Variants in MEIS2 observed in about 807,000 individuals in gnomAD.
MEIS2 encodes the protein homeobox protein Meis2.
MEIS2 carries 9 observed loss-of-function variants against 58.6 expected under a neutral mutation model. The observed-to-expected ratio is 0.15, with a 90% CI of 0.09 to 0.27. The LOEUF (loss-of-function observed/expected upper bound fraction) is 0.27. Among genes scored for constraint, MEIS2 ranks in the 10% least tolerant of loss-of-function variants. The pLI is 1.00. For synonymous variants in MEIS2, 221 were observed against 228.4 expected, an observed-to-expected ratio of 0.97 and a Z score of 0.29; for missense variants, 427 against 635.0, an observed-to-expected ratio of 0.67 and a Z score of 3.52.
At chr15:37,024,504 G>A (rs756119265) in intron 8 of MEIS2, among the ~76,000 whole-genome samples, 2 of 152,124 alleles carry the variant, frequency 1.3e-5, no homozygotes, top group Non-Finnish European at 2.9e-5. Context: ...ATATCTGGCT[G>A]GTGCGTCTAA....
chr15:36,996,271 A>G (rs1341851698), intron 8 of MEIS2, among the ~76,000 whole-genome samples: 4 of 151,968 alleles, frequency 2.6e-5, no homozygotes, highest in Non-Finnish European at 1.5e-5. Context: ...TTCTGTTGAC[A>G]AGCGTCTCAA....
At chr15:36,947,676 T>C (rs1367577364) in intron 9 of MEIS2, among the ~76,000 whole-genome samples, 1 of 151,910 alleles carries the variant, frequency 6.6e-6, no homozygotes, top group Non-Finnish European at 1.5e-5. Context: ...CTGGTCTCAA[T>C]CGGAGAAGTG....
rs981271518 is a variant in MEIS2 at position 37,099,163 on chromosome 15, G to T, written c.12+292C>A. ...CTGGAGCGAGGCGAAAGCGTGTAAC[G>T]ATTGCACACGCACACACACACACCA... On this transcript the variant is annotated intron_variant, in intron 1 of 11. Transcript: ENST00000561208. 16 of 1,230,876 alleles carry T rather than the reference G, an allele frequency of 1.3e-5. No individual in the cohort carries two copies. In the Admixed American group the frequency reaches 2.9e-4, roughly 22 times the overall value. 76.2% of individuals were successfully genotyped at this position (1,230,876 alleles called of 1,614,324 possible).
At position 37,043,680 on chromosome 15, in the gene MEIS2, C is replaced by CTT. The variant is rs35502089; in HGVS notation, c.755-6723_755-6722dup. On this transcript the variant is annotated intron_variant, in intron 7 of 11. Coordinates refer to ENST00000561208, the MANE Select transcript of MEIS2 (RefSeq NM_170675.5). The stretch of plus-strand genomic sequence containing the variant: ...TCTATCTCTAGAACACCGTCCCCTC[C>CTT]TTTTTTTTTTTTTTTTTTTTTTGAG... Among the ~76,000 whole-genome samples, 307 of 112,934 alleles carry CTT rather than the reference C, an allele frequency of 2.7e-3. 1 individual carries two copies. The highest frequency in any genetic ancestry group is 3.2e-3 in the Non-Finnish European group (183 of 57,358). The allele number at this position is 112,934 out of a possible 152,430, so 74.1% of individuals were successfully genotyped here. A position where few individuals can be genotyped will look rare whatever the true frequency, so the allele number is the denominator to read the frequency against.
rs535994188 is a variant in MEIS2 at position 37,023,353 on chromosome 15, A to T, written c.900+13461T>A. On this transcript the variant is annotated intron_variant, in intron 8 of 11. Transcript: ENST00000561208. ...TGTGAATTCCTATTTTGTTCAAATG[A>T]TCATTGTGCCTATTGTGTCAGCCAG... Among the ~76,000 whole-genome samples, 4 of 152,298 alleles carry T rather than the reference A, an allele frequency of 2.6e-5. No individual in the cohort carries two copies. In the East Asian group the frequency reaches 5.8e-4, roughly 22 times the overall value.
chr15:36,966,659 C>T (rs908261427), intron 8 of MEIS2, among the ~76,000 whole-genome samples: 4 of 152,296 alleles, frequency 2.6e-5, no homozygotes, highest in Middle Eastern at 3.4e-3. Flanking sequence ...GGCACTGTTA[C>T]AGGAGAGAAA....
chr15:36,915,601 C>T (rs896198179), intron 9 of MEIS2, among the ~76,000 whole-genome samples: 1 of 152,182 alleles, frequency 6.6e-6, no homozygotes, highest in African/African-American at 2.4e-5. Flanking sequence ...GGGCCCCCTC[C>T]AGAAGTAAGG....
At chr15:36,914,253 T>C (rs2057171984) in intron 9 of MEIS2, among the ~76,000 whole-genome samples, 1 of 152,060 alleles carries the variant, frequency 6.6e-6, no homozygotes, top group Non-Finnish European at 1.5e-5. Flanking sequence ...AGAACACAGA[T>C]GATAATAAGA....
intron 9 of MEIS2, among the ~76,000 whole-genome samples, chr15:36,918,102 C>T (rs2057355041): frequency 6.6e-6 from 1 of 152,130 alleles, no homozygotes; most frequent in Non-Finnish European, 1.5e-5. Context: ...AGAGAAGAGA[C>T]TGTATAACAA....
chr15:37,078,225 G>A (rs1427044981), intron 7 of MEIS2, among the ~76,000 whole-genome samples: 2 of 151,980 alleles, frequency 1.3e-5, no homozygotes, highest in African/African-American at 2.4e-5. Flanking sequence ...ACTGGACAGA[G>A]AAACCCTTGT....
chr15:36,907,691 G>C (rs1309355590), intron 9 of MEIS2, among the ~76,000 whole-genome samples: 1 of 152,190 alleles, frequency 6.6e-6, no homozygotes, highest in Non-Finnish European at 1.5e-5. Context: ...TGTTTGAGAG[G>C]CTGAGATTTT....
At chr15:37,032,408 T>C (rs932749895) in intron 8 of MEIS2, among the ~76,000 whole-genome samples, 1 of 152,194 alleles carries the variant, frequency 6.6e-6, no homozygotes, top group Non-Finnish European at 1.5e-5. Flanking sequence ...TGGGTATTAT[T>C]GCTTGCTGTT....
rs1379402160 is a variant in MEIS2, at chr15:37,098,039, G to T, written c.173C>A (p.Pro58His). The T allele has an allele frequency of 1.2e-6, 2 of 1,613,238 alleles. No homozygotes were observed. The highest frequency in any genetic ancestry group is 2.2e-5 in the South Asian group (2 of 90,944). ...TQHYGAHAPH[P>H]NVMPASMGSA... ...TCCCATACTGGCCGGCATGACATTG[G>T]GGTGCGGGGCGTGCGCGCCGTAGTG... is the stretch of plus-strand genomic sequence containing the variant. The change falls in exon 2 of 12, where the codon CCC (proline) becomes CAC (histidine). Residue 58 changes from proline (P) to histidine (H), a missense_variant. By Grantham distance (77) the Pro-to-His change is moderately conservative. Coordinates refer to ENST00000561208, the MANE Select transcript of MEIS2 (RefSeq NM_170675.5).
chr15:37,005,537 A>G (rs571735524), intron 8 of MEIS2, among the ~76,000 whole-genome samples: 12 of 152,222 alleles, frequency 7.9e-5, no homozygotes, highest in African/African-American at 2.9e-4. Context: ...AGTTTACTGC[A>G]TTCTGTAGGC....
chr15:37,041,994 T>C (rs1191941020), intron 7 of MEIS2, among the ~76,000 whole-genome samples: 2 of 151,866 alleles, frequency 1.3e-5, no homozygotes, highest in South Asian at 2.1e-4. Flanking sequence ...CTGGGCAACA[T>C]AGTGAGACCC....
At chr15:37,032,910 T>C (rs762300010) in intron 8 of MEIS2, among the ~76,000 whole-genome samples, 1 of 152,222 alleles carries the variant, frequency 6.6e-6, no homozygotes, top group Non-Finnish European at 1.5e-5. Context: ...CTTGATTTTT[T>C]AAATGCCACT....
chr15:36,894,584 T>C (rs1397195743), intron 11 of MEIS2: 1 of 660,046 alleles, frequency 1.5e-6, no homozygotes, highest in South Asian at 2.0e-5. Context: ...GTGATATATA[T>C]TTAAAAACAG....
chr15:37,041,656 T>C (rs1442162477), intron 7 of MEIS2, among the ~76,000 whole-genome samples: 3 of 152,102 alleles, frequency 2.0e-5, no homozygotes, highest in East Asian at 1.9e-4. Flanking sequence ...CATAGTTGTG[T>C]ATCCACTGAA....
Position 37,078,884 on chromosome 15 carries a change from C to T in MEIS2, c.754+4887G>A, listed in dbSNP as rs550885874. 5.9e-5 allele frequency among the ~76,000 whole-genome samples: 9 copies of T among 152,024 alleles called. No individual in the cohort carries two copies. The South Asian group carries it at 1.7e-3, about 28-fold the overall frequency. On this transcript the variant is annotated intron_variant, in intron 7 of 11. Coordinates refer to ENST00000561208, the MANE Select transcript of MEIS2 (RefSeq NM_170675.5). ...CAGTTAAAAAAAAAATCTAGAAATC[C>T]CAAATCTGGGTTTCTCAAGTAAGTT... is the stretch of plus-strand genomic sequence containing the variant.
Sources: gnomAD v4.1 joint callset for allele counts (sites outside exome capture counted in the v4.1 genomes callset) on GRCh38, gnomAD v4.1.1 for gene constraint, MANE v1.5 for transcripts, NCBI Gene and HGNC (gene_info 2026-07-23, HGNC 2026-07-21) for gene names.